Variants in SLC9A2 observed in about 807,000 individuals in gnomAD.
SLC9A2 encodes sodium/hydrogen exchanger 2.
In SLC9A2, 42 loss-of-function variants were observed where a neutral mutation model predicts 71.7. That is an observed-to-expected ratio of 0.59 (90% confidence interval 0.46 to 0.76). The LOEUF is 0.76. Ranked by LOEUF, SLC9A2 falls within the 30% of genes least tolerant of loss-of-function variation. The pLI is 0.00. For synonymous variants in SLC9A2, 396 were observed against 392.5 expected, an observed-to-expected ratio of 1.01 and a Z score of -0.10; for missense variants, 829 against 1,017.4, an observed-to-expected ratio of 0.81 and a Z score of 2.52.
chr2:102,631,717 T>G (rs1000920108), intron 1 of SLC9A2, among the ~76,000 whole-genome samples: 1 of 151,958 alleles, frequency 6.6e-6, no homozygotes, highest in Non-Finnish European at 1.5e-5. Flanking sequence ...TTCTCTTTAA[T>G]GTAAGGTAAA....
chr2:102,670,739 C>T (rs546204845), intron 3 of SLC9A2, among the ~76,000 whole-genome samples: 5 of 151,606 alleles, frequency 3.3e-5, no homozygotes, highest in Admixed American at 2.6e-4. Flanking sequence ...GGACTGAAGT[C>T]GTCACTGGTG....
Position 102,657,988 on chromosome 2 carries a change from G to T in SLC9A2, c.714G>T (p.Leu238=), listed in dbSNP as rs1161081597. Residue 238 remains leucine (L), a synonymous_variant, in exon 2 of 12, where the codon CTG becomes CTT. Transcript: ENST00000233969. Reference sequence around the variant, plus strand: ...ACGTCAATGAGCAGCTCTACATCCTGGTCTTTGGAGAGTCCCTGCTGAATG... The same window carrying T: ...ACGTCAATGAGCAGCTCTACATCCTTGTCTTTGGAGAGTCCCTGCTGAATG... The part of the protein sequence containing the change: ...NIHVNEQLYI[L]VFGESLLNDA... The T allele has an allele frequency of 6.2e-7, 1 of 1,613,110 alleles. No individual in the cohort carries two copies. The highest frequency in any genetic ancestry group is 1.1e-5 in the South Asian group (1 of 90,924).
intron 3 of SLC9A2, among the ~76,000 whole-genome samples, chr2:102,672,925 A>G (rs1049735064): frequency 6.6e-6 from 1 of 152,054 alleles, no homozygotes; most frequent in Non-Finnish European, 1.5e-5. Flanking sequence ...TTTTATCTGT[A>G]TTTACTCTGC....
chr2:102,691,090 G>T (rs1223684881), intron 5 of SLC9A2, among the ~76,000 whole-genome samples: 1 of 152,072 alleles, frequency 6.6e-6, no homozygotes. Context: ...CAGGTGGGAG[G>T]AAAGCAGAGA....
chr2:102,708,405 C>T lies in SLC9A2; in HGVS notation c.2355C>T (p.Ile785=). The T allele has an allele frequency of 1.2e-6, 2 of 1,614,226 alleles. No homozygotes were observed. The highest frequency in any genetic ancestry group is 1.7e-6 in the Non-Finnish European group (2 of 1,180,046). Residue 785 remains isoleucine, a synonymous_variant, in exon 12 of 12, where the codon ATC becomes ATT. Transcript: ENST00000233969. ...SEREDSLTEG[I]PPKPPPRLVW... Reference sequence around the variant, plus strand: ...GGGAAGACAGTTTGACTGAAGGCATCCCGCCCAAGCCGCCACCACGGCTGG... The same window carrying T: ...GGGAAGACAGTTTGACTGAAGGCATTCCGCCCAAGCCGCCACCACGGCTGG...
intron 4 of SLC9A2, 144 bp from the exon 5 acceptor site, chr2:102,683,990 G>C: frequency 1.6e-6 from 1 of 641,800 alleles, no homozygotes; most frequent in Non-Finnish European, 2.7e-6. Context: ...GGTATTACTA[G>C]CAAGACAGAG....
chr2:102,677,928 T>C (rs539692250), intron 3 of SLC9A2, among the ~76,000 whole-genome samples: 5 of 152,354 alleles, frequency 3.3e-5, no homozygotes, highest in African/African-American at 7.2e-5. Flanking sequence ...CAGAATCATT[T>C]GGCAGATTCC....
chr2:102,673,559 A>T (rs1677294023), intron 3 of SLC9A2, among the ~76,000 whole-genome samples: 1 of 152,158 alleles, frequency 6.6e-6, no homozygotes. Flanking sequence ...ATTCTTCCAA[A>T]TCTACCTGAA....
In SLC9A2 at chr2:102,665,470, G is replaced by C. The variant is rs1335957405; in HGVS notation, c.1004+120G>C. The C allele has an allele frequency of 5.8e-6, 7 of 1,198,244 alleles. No homozygotes were observed. In the East Asian group the frequency reaches 1.7e-4, roughly 29 times the overall value. 74.2% of individuals were successfully genotyped at this position (1,198,244 alleles called of 1,614,324 possible). Reference sequence around the variant, plus strand: ...ACACTAGGTTTTCTTATTCTTTTAAGAAAAATTAAAAATAGATTTTTCGGA... The same window carrying C: ...ACACTAGGTTTTCTTATTCTTTTAACAAAAATTAAAAATAGATTTTTCGGA... On this transcript the variant is annotated intron_variant, in intron 3 of 11. Transcript: ENST00000233969.
At chr2:102,646,173 C>T (rs1027012881) in intron 1 of SLC9A2, among the ~76,000 whole-genome samples, 20 of 152,100 alleles carry the variant, frequency 1.3e-4, no homozygotes, top group Admixed American at 8.5e-4. Flanking sequence ...AAGAATTTTC[C>T]AACCCAGAAT....
chr2:102,679,461 A>G (rs943221704), intron 3 of SLC9A2, among the ~76,000 whole-genome samples: 2 of 151,448 alleles, frequency 1.3e-5, no homozygotes, highest in Non-Finnish European at 2.9e-5. Context: ...AGCTCACTGC[A>G]AGCTCTGCCT....
chr2:102,651,961 T>C (rs530578246), intron 1 of SLC9A2, among the ~76,000 whole-genome samples: 17 of 152,176 alleles, frequency 1.1e-4, no homozygotes, highest in African/African-American at 4.1e-4. Flanking sequence ...TGTTGTTATA[T>C]GTAGGAGTTC....
At chr2:102,628,499 G>A (rs1676293387) in intron 1 of SLC9A2, among the ~76,000 whole-genome samples, 1 of 152,048 alleles carries the variant, frequency 6.6e-6, no homozygotes, top group African/African-American at 2.4e-5. Context: ...ATCCAAATGG[G>A]TAAATTTTGG....
chr2:102,637,852 G>A (rs1033097725), intron 1 of SLC9A2, among the ~76,000 whole-genome samples: 3 of 152,232 alleles, frequency 2.0e-5, no homozygotes, highest in Non-Finnish European at 4.4e-5. Flanking sequence ...CTAGAAGGAA[G>A]GAGTCTAAAA....
intron 8 of SLC9A2, among the ~76,000 whole-genome samples, chr2:102,701,640 T>G (rs1159846618): frequency 6.6e-6 from 1 of 152,164 alleles, no homozygotes; most frequent in African/African-American, 2.4e-5. Context: ...GTTCTTGTGC[T>G]TGGGAACTCT....
chr2:102,657,480 C>T, intron 1 of SLC9A2, 84 bp from the exon 2 acceptor site: 1 of 837,046 alleles, frequency 1.2e-6, no homozygotes, highest in East Asian at 2.6e-5. Flanking sequence ...ACAGGACCCA[C>T]TGGTTCTATC....
intron 9 of SLC9A2, among the ~76,000 whole-genome samples, chr2:102,704,326 T>TA (rs778531824): frequency 7.9e-5 from 12 of 151,820 alleles, no homozygotes; most frequent in African/African-American, 2.9e-4. Flanking sequence ...AAAAGAAAAA[T>TA]AAAAAAACAC....
intron 3 of SLC9A2, among the ~76,000 whole-genome samples, chr2:102,677,471 G>C (rs940741026): frequency 2.0e-5 from 3 of 152,296 alleles, no homozygotes; most frequent in Admixed American, 2.0e-4. Context: ...ACACATTTAT[G>C]TTAAAGTGGG....
rs766779110 is a variant in SLC9A2, at chr2:102,657,861, C to G, written c.587C>G (p.Ala196Gly). Residue 196 changes from alanine to glycine, a missense_variant, in exon 2 of 12, where the codon GCA (alanine) becomes GGA (glycine). Coordinates refer to ENST00000233969, the MANE Select transcript of SLC9A2 (RefSeq NM_003048.6). ...VSLFGICQIE[A>G]FGLSDITLLQ... is the part of the protein sequence containing the mutation. ...TTGTTTGGTATCTGCCAGATCGAAG[C>G]ATTCGGCCTCAGCGACATCACTTTG... 3 of 1,614,238 alleles carry G rather than the reference C, an allele frequency of 1.9e-6. No individual in the cohort carries two copies.
Sources: gnomAD v4.1 joint callset for allele counts (sites outside exome capture counted in the v4.1 genomes callset) on GRCh38, gnomAD v4.1.1 for gene constraint, MANE v1.5 for transcripts, NCBI Gene and HGNC (gene_info 2026-07-23, HGNC 2026-07-21) for gene names.